The following NRF1 variants were observed in gnomAD, a reference collection of about 807,000 sequenced individuals.
NRF1 encodes alpha palindromic-binding protein.
NRF1 carries 5 observed loss-of-function variants against 58.5 expected under a neutral mutation model. The ratio of observed to expected loss-of-function variants is 0.09; its 90% confidence interval spans 0.04 to 0.18. NRF1 has a LOEUF of 0.18. NRF1 is among the 10% of genes least tolerant of loss of function. The pLI is 1.00. For missense variants in NRF1, 288 were observed against 657.7 expected (o/e 0.44, Z 6.15); for synonymous variants, 224 against 246.7 (o/e 0.91, Z 0.86).
chr7:129,742,630 C>T (rs1308766857), intron 10 of NRF1, among the ~76,000 whole-genome samples: 1 of 152,108 alleles, frequency 6.6e-6, no homozygotes. Flanking sequence ...AAGGGAAATA[C>T]CAGAAATCTA....
At chr7:129,700,717 G>C (rs975663780) in intron 5 of NRF1, among the ~76,000 whole-genome samples, 1 of 152,080 alleles carries the variant, frequency 6.6e-6, no homozygotes, top group African/African-American at 2.4e-5. Flanking sequence ...CAGGAGTTTT[G>C]AGACAACCTG....
At position 129,727,293 on chromosome 7, in the gene NRF1, G is replaced by T. The variant is rs1212403646; in HGVS notation, c.1276G>T (p.Gly426Trp). Residue 426 changes from glycine to tryptophan, a missense_variant, in exon 10 of 11, where the codon GGG becomes TGG. Gly to Trp is a radical substitution (Grantham distance 184). This residue lies in a region of NRF1 where 212 missense variants were observed against 559.7 expected (regional missense o/e 0.38). Coordinates refer to ENST00000393232, the MANE Select transcript of NRF1 (RefSeq NM_005011.5). ...CCTGGCTGAGGCCACCTTACAAGGT[G>T]GGGGACAGATCGTCTTGTCTGGGGA... ...ATLAEATLQG[G>W]GQIVLSGETA... The T allele has an allele frequency of 6.2e-7, 1 of 1,609,354 alleles. No homozygotes were observed. Among genetic ancestry groups the T allele is most frequent in the East Asian group, 2.2e-5 (1 of 44,624 alleles).
intron 1 of NRF1, among the ~76,000 whole-genome samples, chr7:129,647,100 C>T (rs1400706139): frequency 6.6e-6 from 1 of 152,050 alleles, no homozygotes; most frequent in Non-Finnish European, 1.5e-5. Flanking sequence ...TGCAGTGGCG[C>T]GATCTTGGCT....
At chr7:129,715,936 C>T (rs1803176759) in intron 8 of NRF1, among the ~76,000 whole-genome samples, 1 of 150,540 alleles carries the variant, frequency 6.6e-6, no homozygotes. Flanking sequence ...ACCTGGGAGG[C>T]GGAGGTTGCG....
chr7:129,732,101 C>T (rs1454283903), intron 10 of NRF1, among the ~76,000 whole-genome samples: 4 of 152,208 alleles, frequency 2.6e-5, no homozygotes, highest in East Asian at 1.9e-4. Flanking sequence ...TTCACTCAGA[C>T]TTGAGGAGCT....
rs150163641 is a variant in NRF1 at position 129,711,377 on chromosome 7, C to A, written c.964-98C>A. The A allele has an allele frequency of 1.1e-3, 882 of 775,060 alleles. 7 individuals are homozygous for A. The African/African-American group carries it at 0.014, about 12-fold the overall frequency. 48.0% of individuals were successfully genotyped at this position (775,060 alleles called of 1,614,324 possible). On this transcript the variant is annotated intron_variant, in intron 7 of 10. Coordinates refer to ENST00000393232, the MANE Select transcript of NRF1 (RefSeq NM_005011.5). ...CATCATAAGGCATATTCTTTGTTAT[C>A]TGTGCTGAATTTGGGATTAAATGAG... is the stretch of plus-strand genomic sequence containing the variant.
At chr7:129,708,382 C>A (rs1365054702) in intron 5 of NRF1, among the ~76,000 whole-genome samples, 2 of 152,162 alleles carry the variant, frequency 1.3e-5, no homozygotes, top group Non-Finnish European at 2.9e-5. Flanking sequence ...TAAAATAAAT[C>A]TGAATGAAGT....
chr7:129,652,020 A>C (rs1801548499), intron 1 of NRF1, among the ~76,000 whole-genome samples: 1 of 152,230 alleles, frequency 6.6e-6, no homozygotes, highest in Non-Finnish European at 1.5e-5. Flanking sequence ...CAAAGACCTC[A>C]GAAAATTGAA....
At chr7:129,720,984 G>A (rs1230071308) in intron 9 of NRF1, among the ~76,000 whole-genome samples, 3 of 151,820 alleles carry the variant, frequency 2.0e-5, no homozygotes, top group Non-Finnish European at 4.4e-5. Flanking sequence ...GTGTGTGTAT[G>A]TGTGTGTATA....
chr7:129,643,667 A>G (rs1365171621), intron 1 of NRF1, among the ~76,000 whole-genome samples: 1 of 152,228 alleles, frequency 6.6e-6, no homozygotes, highest in Non-Finnish European at 1.5e-5. Context: ...AAGCGTCTAC[A>G]TATTTGAGAA....
intron 3 of NRF1, among the ~76,000 whole-genome samples, chr7:129,672,156 T>G (rs1003564809): frequency 5.3e-5 from 8 of 150,274 alleles, no homozygotes; most frequent in Non-Finnish European, 1.0e-4. Context: ...CAGGGAGATA[T>G]GAGAGGATGT....
Position 129,710,532 on chromosome 7 carries a change from G to A in NRF1, c.924G>A (p.Gln308=), listed in dbSNP as rs1584662586. ...TTGTACCATCACAGACTGTAGTCCAGACTTTTAGTAACCCTGATGGCACTG... is the reference window on the plus strand; with the variant it reads ...TTGTACCATCACAGACTGTAGTCCAAACTTTTAGTAACCCTGATGGCACTG... The part of the protein sequence containing the change: ...AHLVPSQTVV[Q]TFSNPDGTVS... Residue 308 remains glutamine, a synonymous_variant, in exon 7 of 11, where the codon CAG becomes CAA. Transcript: ENST00000393232. 1 of 1,596,648 alleles carries A rather than the reference G, an allele frequency of 6.3e-7. No individual in the cohort carries two copies. Among genetic ancestry groups the A allele is most frequent in the Non-Finnish European group, 8.6e-7 (1 of 1,164,068 alleles).
intron 1 of NRF1, among the ~76,000 whole-genome samples, chr7:129,631,797 G>A (rs1031048064): frequency 6.6e-6 from 1 of 152,056 alleles, no homozygotes; most frequent in Non-Finnish European, 1.5e-5. Context: ...GTAAAAAAAG[G>A]CATATTCAAA....
At chr7:129,681,542 G>A (rs1260958068) in intron 4 of NRF1, among the ~76,000 whole-genome samples, 1 of 152,004 alleles carries the variant, frequency 6.6e-6, no homozygotes, top group Non-Finnish European at 1.5e-5. Flanking sequence ...TGGCAACCAG[G>A]GGTCATTTAA....
chr7:129,722,875 T>C (rs1803360946), intron 9 of NRF1, among the ~76,000 whole-genome samples: 1 of 152,204 alleles, frequency 6.6e-6, no homozygotes, highest in African/African-American at 2.4e-5. Flanking sequence ...GATGAGATTA[T>C]TGTAAATTGT....
chr7:129,749,203 G>A (rs1804053620), intron 10 of NRF1, among the ~76,000 whole-genome samples: 1 of 152,216 alleles, frequency 6.6e-6, no homozygotes, highest in Non-Finnish European at 1.5e-5. Context: ...TATTACAAAG[G>A]AAGGCAAGAG....
In NRF1 at chr7:129,634,047, T is replaced by A. The variant is rs1486395403; in HGVS notation, c.-7+22223T>A. Among the ~76,000 whole-genome samples the A allele has an allele frequency of 3.2e-3, 408 of 128,380 alleles. 1 individual carries two copies. The highest frequency in any genetic ancestry group is 0.016 in the East Asian group (62 of 3,864). The allele number at this position is 128,380 out of a possible 152,430, so 84.2% of individuals were successfully genotyped here. A position where few individuals can be genotyped will look rare whatever the true frequency, so the allele number is the denominator to read the frequency against. ...CTGTATTTAAAAAAAAAAAAAGATATATATATATATATATACACACACACA... is the reference window on the plus strand; with the variant it reads ...CTGTATTTAAAAAAAAAAAAAGATAAATATATATATATATACACACACACA... On this transcript the variant is annotated intron_variant, in intron 1 of 10. Coordinates refer to ENST00000393232, the MANE Select transcript of NRF1 (RefSeq NM_005011.5).
chr7:129,657,996 T>C, intron 2 of NRF1, among the ~76,000 whole-genome samples: 1 of 152,186 alleles, frequency 6.6e-6, no homozygotes, highest in East Asian at 1.9e-4. Context: ...TTACTATCAG[T>C]GTTATGGCTT....
chr7:129,642,877 T>C (rs1426752900), intron 1 of NRF1, among the ~76,000 whole-genome samples: 1 of 151,090 alleles, frequency 6.6e-6, no homozygotes, highest in East Asian at 2.1e-4. Context: ...CCTCCCACCT[T>C]AGCCTCCCAA....
Sources: allele counts gnomAD v4.1 joint callset (sites outside exome capture counted in the v4.1 genomes callset), GRCh38; gene constraint gnomAD v4.1.1; regional missense constraint gnomAD v4.1.1; transcripts MANE v1.5; gene names NCBI Gene and HGNC (gene_info 2026-07-23, HGNC 2026-07-21).